Variants in NOS3 observed in about 807,000 individuals in gnomAD.
NOS3 encodes nitric oxide synthase 3.
In NOS3, 98 loss-of-function variants were observed where a neutral mutation model predicts 144.9. That is an observed-to-expected ratio of 0.68 (90% CI 0.57 to 0.80). The LOEUF (loss-of-function observed/expected upper bound fraction) is 0.80. NOS3 is among the 30% of genes least tolerant of loss of function. The pLI is 0.00. For synonymous variants in NOS3, 714 were observed against 702.4 expected (o/e 1.02, Z -0.26); for missense variants, 1,465 against 1,656.4 (o/e 0.88, Z 2.01).
At chr7:150,995,078 C>A in intron 2 of NOS3, 125 bp from the exon 3 acceptor site, 2 of 588,678 alleles carry the variant, frequency 3.4e-6, no homozygotes, top group South Asian at 4.5e-5. Context: ...ATGGGGAACG[C>A]CAGAAGGCAT....
intron 9 of NOS3, among the ~76,000 whole-genome samples, chr7:150,999,623 T>C (rs1584902790): frequency 7.3e-6 from 1 of 137,854 alleles, no homozygotes. Flanking sequence ...TGTGGGCTTG[T>C]GGGGTGTGTA....
intron 14 of NOS3, among the ~76,000 whole-genome samples, chr7:151,005,898 C>T (rs961374769): frequency 2.6e-5 from 4 of 152,134 alleles, no homozygotes; most frequent in South Asian, 2.1e-4. Flanking sequence ...AGTGGTGGCA[C>T]GCACCTATAG....
chr7:150,993,434 T>G lies in NOS3; in HGVS notation c.-51-319T>G, dbSNP rs555406256. ...GGGTGAGGCCGAAGGCCCTTCCGTC[T>G]GGTGCCACATCACAGAAGGACCTTT... On this transcript the variant is annotated intron_variant, in intron 1 of 26. Transcript: ENST00000297494. This position sits in a 1 kb window ranked among gnomAD's most constrained non-coding sequence, Gnocchi z 4.0. Among the ~76,000 whole-genome samples, 54 of 152,306 alleles carry G rather than the reference T, an allele frequency of 3.5e-4. No individual in the cohort carries two copies. The highest frequency in any genetic ancestry group is 1.3e-3 in the African/African-American group (52 of 41,570).
In NOS3 at chr7:151,009,638, A is replaced by C. The variant is rs1795263939; in HGVS notation, c.2512+53A>C. 4.2e-6 allele frequency: 6 copies of C among 1,412,604 alleles called. No homozygotes were observed. The South Asian group carries it at 7.2e-5, about 17-fold the overall frequency. The allele number at this position is 1,412,604 out of a possible 1,614,324, so 87.5% of individuals were successfully genotyped here. A position where few individuals can be genotyped will look rare whatever the true frequency, so the allele number is the denominator to read the frequency against. The stretch of plus-strand genomic sequence containing the variant: ...GCACACCAGCCCCATGCCCAGCCCC[A>C]CCCCCGGCCCCAGGCCTCCAGGAGC... On this transcript the variant is annotated intron_variant, in intron 20 of 26. Transcript: ENST00000297494.
chr7:150,999,581 T>A (rs1489863231), intron 9 of NOS3, among the ~76,000 whole-genome samples: 1 of 146,790 alleles, frequency 6.8e-6, no homozygotes, highest in Non-Finnish European at 1.5e-5. Context: ...AGTGTGAGAG[T>A]GTGGGTTTCT....
rs1285072916 is a variant in NOS3 at position 150,998,348 on chromosome 7, C to T, written c.583-9C>T. 2 of 1,610,402 alleles carry T rather than the reference C, an allele frequency of 1.2e-6. No individual in the cohort carries two copies. The highest frequency in any genetic ancestry group is 1.1e-5 in the South Asian group (1 of 90,622). On this transcript the variant is annotated splice_polypyrimidine_tract_variant and intron_variant, in intron 5 of 26. Transcript: ENST00000297494. This position sits in a 1 kb window ranked among gnomAD's most constrained non-coding sequence, Gnocchi z 5.0. ...TCACCCTCCTCTCCCGCTGCCTCGG[C>T]TGGCTCAGGTGTTCGATGCCCGGGA...
At chr7:151,010,554 A>T in intron 21 of NOS3, 43 bp from the exon 22 acceptor site, 1 of 1,493,154 alleles carries the variant, frequency 6.7e-7, no homozygotes, top group South Asian at 1.3e-5. Flanking sequence ...GGTTACTAGG[A>T]AGGGCTATGG....
intron 10 of NOS3, 107 bp from the exon 11 acceptor site, chr7:151,001,123 TG>T: frequency 1.9e-6 from 2 of 1,048,954 alleles, no homozygotes; most frequent in South Asian, 1.4e-5. Flanking sequence ...GTGTTAGATA[TG>T]GGGTAATCGA....
Position 150,993,817 on chromosome 7 carries a change from A to G in NOS3, c.14A>G (p.Lys5Arg), listed in dbSNP as rs1164406674. Residue 5 changes from lysine to arginine, a missense_variant, in exon 2 of 27, where the codon AAG becomes AGG. This residue lies in a region of NOS3 where 374 missense variants were observed against 377.0 expected (regional missense o/e 0.99). Transcript: ENST00000297494. The surrounding 1 kb of genome is among the most constrained non-coding windows in gnomAD (Gnocchi z 4.0). ...ACGCACAGTAACATGGGCAACTTGAAGAGCGTGGCCCAGGAGCCTGGGCCA... is the reference window on the plus strand; with the variant it reads ...ACGCACAGTAACATGGGCAACTTGAGGAGCGTGGCCCAGGAGCCTGGGCCA... MGNL[K>R]SVAQEPGPPC... The G allele has an allele frequency of 6.3e-7, 1 of 1,595,622 alleles. No individual in the cohort carries two copies. Among genetic ancestry groups the G allele is most frequent in the Non-Finnish European group, 8.5e-7 (1 of 1,175,206 alleles).
intron 22 of NOS3, 28 bp downstream of exon 22, chr7:151,010,835 G>A: frequency 6.2e-7 from 1 of 1,606,966 alleles, no homozygotes; most frequent in East Asian, 2.2e-5. Flanking sequence ...AGCAGGCCTG[G>A]CCACAGCAGG....
At position 150,998,783 on chromosome 7, in the gene NOS3, TGAGATAAAG is replaced by T; in HGVS notation, c.816+106_816+114del. 1 of 1,467,246 alleles carries T rather than the reference TGAGATAAAG, an allele frequency of 6.8e-7. No homozygotes were observed. The highest frequency in any genetic ancestry group is 9.2e-7 in the Non-Finnish European group (1 of 1,084,534). 90.9% of individuals were successfully genotyped at this position (1,467,246 alleles called of 1,614,324 possible). ...CCAGGCAGGAAGAGGGGAGCCTCGG[TGAGATAAAG>T]GATGAAAAACACCAAAGGAGGGGTG... On this transcript the variant is annotated intron_variant, in intron 7 of 26. Coordinates refer to ENST00000297494, the MANE Select transcript of NOS3 (RefSeq NM_000603.5). This position sits in a 1 kb window ranked among gnomAD's most constrained non-coding sequence, Gnocchi z 5.0.
In NOS3 at chr7:150,998,181, G is replaced by A. The variant is rs368796030; in HGVS notation, c.583-176G>A. 3.9e-5 allele frequency among the ~76,000 whole-genome samples: 6 copies of A among 152,308 alleles called. No individual in the cohort carries two copies. The East Asian group carries it at 9.7e-4, about 25-fold the overall frequency. ...GGAGATGAGAAGCAGCCCGGATGGT[G>A]CTACATATGTCAGAGAGCAGGGCAG... On this transcript the variant is annotated intron_variant, in intron 5 of 26. Coordinates refer to ENST00000297494, the MANE Select transcript of NOS3 (RefSeq NM_000603.5). This position sits in a 1 kb window ranked among gnomAD's most constrained non-coding sequence, Gnocchi z 5.0.
chr7:151,006,752 G>A (rs1795211714), intron 15 of NOS3, 137 bp from the exon 16 acceptor site: 1 of 760,980 alleles, frequency 1.3e-6, no homozygotes, highest in Non-Finnish European at 2.2e-6. Context: ...AGGGATGCTG[G>A]CCCTCAGCCC....
Position 150,998,853 on chromosome 7 carries a change from C to G in NOS3, c.817-93C>G. ...CACGGAGACCCAGCCAATGAGGGAC[C>G]CTGGAGATGAAGGCAGGAGACAGTG... On this transcript the variant is annotated intron_variant, in intron 7 of 26. Transcript: ENST00000297494. The surrounding 1 kb of genome is among the most constrained non-coding windows in gnomAD (Gnocchi z 5.0). The G allele has an allele frequency of 6.6e-7, 1 of 1,517,404 alleles. No individual in the cohort carries two copies. Among genetic ancestry groups the G allele is most frequent in the Non-Finnish European group, 8.9e-7 (1 of 1,124,012 alleles). 94.0% of individuals were successfully genotyped at this position (1,517,404 alleles called of 1,614,324 possible). A position where few individuals can be genotyped will look rare whatever the true frequency, so the allele number is the denominator to read the frequency against.
rs1795129044 is a variant in NOS3 at position 151,002,426 on chromosome 7, ACACACACACACACACACACACACACACG to A, written c.1752+124_1752+151del. The A allele has an allele frequency of 1.9e-6, 1 of 534,336 alleles. No homozygotes were observed. The highest frequency in any genetic ancestry group is 3.4e-6 in the Non-Finnish European group (1 of 297,124). 33.1% of individuals were successfully genotyped at this position (534,336 alleles called of 1,614,324 possible). Reference sequence around the variant, plus strand: ...CACACACACACACACACACACACACACACACACACACACACACACACACACACGCCAGGATGGAAAGGGAGATGCTAAG... The same window carrying A: ...CACACACACACACACACACACACACACCAGGATGGAAAGGGAGATGCTAAG... On this transcript the variant is annotated intron_variant, in intron 14 of 26. Coordinates refer to ENST00000297494, the MANE Select transcript of NOS3 (RefSeq NM_000603.5). This position sits in a 1 kb window ranked among gnomAD's most constrained non-coding sequence, Gnocchi z 4.1.
At chr7:151,008,443 C>A (rs1795239187) in intron 17 of NOS3, among the ~76,000 whole-genome samples, 1 of 152,200 alleles carries the variant, frequency 6.6e-6, no homozygotes. Context: ...TCCCCTCTGC[C>A]GCCCGAATTG....
rs375564053 is a variant in NOS3 at position 150,996,565 on chromosome 7, C to T, written c.419+13C>T. ...GCTCCATTAAGAGGTGACAGCTTCC[C>T]GGACGCCACAGCCTCCCTTGTCCCA... On this transcript the variant is annotated intron_variant, in intron 4 of 26. Transcript: ENST00000297494. 47 of 1,583,412 alleles carry T rather than the reference C, an allele frequency of 3.0e-5. No individual in the cohort carries two copies. Among genetic ancestry groups the T allele is most frequent in the Middle Eastern group, 1.7e-4 (1 of 5,976 alleles).
chr7:151,012,110 C>T (rs966581538), intron 23 of NOS3: 18 of 468,350 alleles, frequency 3.8e-5, no homozygotes, highest in African/African-American at 3.3e-4. Flanking sequence ...TTTTCTAAAT[C>T]CCCTGAGTCA....
intron 14 of NOS3, among the ~76,000 whole-genome samples, chr7:151,005,224 T>C (rs1362081725): frequency 6.6e-6 from 1 of 152,222 alleles, no homozygotes; most frequent in Admixed American, 6.5e-5. Context: ...TTACAACATG[T>C]GTGCACCTCT....
Sources: allele counts gnomAD v4.1 joint callset (sites outside exome capture counted in the v4.1 genomes callset), GRCh38; gene constraint gnomAD v4.1.1; regional missense constraint gnomAD v4.1.1; non-coding constraint Gnocchi (gnomAD v3.1); transcripts MANE v1.5; gene names NCBI Gene and HGNC (gene_info 2026-07-23, HGNC 2026-07-21).